The following ARHGAP32 variants were observed in gnomAD, a reference collection of about 807,000 sequenced individuals.
The protein encoded by ARHGAP32 is rho GTPase-activating protein 32.
In ARHGAP32, 51 loss-of-function variants were observed where a neutral mutation model predicts 186.5. The observed-to-expected ratio is 0.27, with a 90% CI of 0.22 to 0.35. The LOEUF is 0.35. Among genes scored for constraint, ARHGAP32 ranks in the 10% least tolerant of loss-of-function variants. The pLI, the probability that ARHGAP32 is intolerant of heterozygous loss-of-function variation, is 1.00. For missense variants in ARHGAP32, 2,186 were observed against 2,623.5 expected (o/e 0.83, Z 3.64); for synonymous variants, 950 against 964.3 (o/e 0.99, Z 0.27).
At chr11:129,187,018 T>C (rs780175230) in intron 1 of ARHGAP32, among the ~76,000 whole-genome samples, 3 of 152,180 alleles carry the variant, frequency 2.0e-5, no homozygotes, top group Non-Finnish European at 2.9e-5. Flanking sequence ...GTTGGACATA[T>C]ACCCAAATGA....
rs778695640 is a variant in ARHGAP32, at chr11:129,151,912, A to G, written c.225+12407T>C. 2.0e-5 allele frequency among the ~76,000 whole-genome samples: 3 copies of G among 152,182 alleles called. 1 individual carries two copies. The highest frequency in any genetic ancestry group is 4.4e-5 in the Non-Finnish European group (3 of 68,010). On this transcript the variant is annotated intron_variant, in intron 2 of 22. Transcript: ENST00000682385. ...GTGGAAACAACAACAACAAAACCAC[A>G]CAAAAGATAAATGAAGCCAAAAGCT... is the stretch of plus-strand genomic sequence containing the variant.
In ARHGAP32 at chr11:128,973,010, G is replaced by C. The variant is rs1945435308; in HGVS notation, c.3496C>G (p.Pro1166Ala). The C allele has an allele frequency of 3.7e-6, 6 of 1,614,052 alleles. No homozygotes were observed. The highest frequency in any genetic ancestry group is 5.1e-6 in the Non-Finnish European group (6 of 1,179,994). ...HHQVDLTGNQ[P>A]HQAYLSGDPE... ...TCCCCAGATAAATATGCTTGATGTG[G>C]CTGATTCCCTGTTAAGTCTACTTGG... is the stretch of plus-strand genomic sequence containing the variant. The change falls in exon 22 of 23, where the codon CCA (proline) becomes GCA (alanine). Residue 1166 changes from proline to alanine, a missense_variant. This residue lies in a region of ARHGAP32 where 1,502 missense variants were observed against 1,570.0 expected (regional missense o/e 0.96). Transcript: ENST00000682385.
At chr11:129,008,666 A>T (rs1399500738) in intron 11 of ARHGAP32, among the ~76,000 whole-genome samples, 1 of 152,198 alleles carries the variant, frequency 6.6e-6, no homozygotes, top group African/African-American at 2.4e-5. Flanking sequence ...ATGAAAAAAA[A>T]TTATTATTTT....
intron 1 of ARHGAP32, among the ~76,000 whole-genome samples, chr11:129,199,889 C>T (rs901710591): frequency 2.0e-5 from 3 of 152,180 alleles, no homozygotes; most frequent in African/African-American, 7.2e-5. Flanking sequence ...AGGTTGTACC[C>T]TGCAAAGCTA....
intron 10 of ARHGAP32, among the ~76,000 whole-genome samples, chr11:129,043,401 T>TC (rs1491511536): frequency 7.9e-6 from 1 of 125,894 alleles, no homozygotes; most frequent in East Asian, 2.2e-4. Context: ...TTTTTTTTTT[T>TC]GCGCAACGGA....
intron 10 of ARHGAP32, among the ~76,000 whole-genome samples, chr11:129,046,804 G>C (rs574106291): frequency 2.1e-4 from 32 of 152,140 alleles, no homozygotes; most frequent in African/African-American, 7.5e-4. Flanking sequence ...TCAGCATAAC[G>C]ATCATGTGCT....
chr11:129,077,847 C>T lies in ARHGAP32; in HGVS notation c.532-10979G>A, dbSNP rs144281296. Among the ~76,000 whole-genome samples the T allele has an allele frequency of 3.9e-5, 6 of 152,296 alleles. No homozygotes were observed. The East Asian group carries it at 9.6e-4, about 24-fold the overall frequency. On this transcript the variant is annotated intron_variant, in intron 6 of 22. Transcript: ENST00000682385. ...CCACAGCTGATGCTCTTCAAAGCGCCACCGCCTGGCTGGAAGCAAACCAAC... is the reference window on the plus strand; with the variant it reads ...CCACAGCTGATGCTCTTCAAAGCGCTACCGCCTGGCTGGAAGCAAACCAAC...
intron 1 of ARHGAP32, among the ~76,000 whole-genome samples, chr11:129,214,484 T>G (rs369759844): frequency 1.3e-4 from 20 of 152,288 alleles, no homozygotes; most frequent in Non-Finnish European, 2.2e-4. Flanking sequence ...GAAAATAAAT[T>G]TATTGATTCA....
intron 1 of ARHGAP32, among the ~76,000 whole-genome samples, chr11:129,269,088 C>T (rs957507991): frequency 8.6e-5 from 13 of 151,784 alleles, no homozygotes; most frequent in African/African-American, 1.7e-4. Context: ...CTGGGCAACA[C>T]GGTGAAACCC....
intron 1 of ARHGAP32, among the ~76,000 whole-genome samples, chr11:129,225,342 G>A (rs1054403279): frequency 3.3e-5 from 5 of 152,064 alleles, no homozygotes; most frequent in Non-Finnish European, 7.4e-5. Flanking sequence ...AAGAAGTCCG[G>A]ACAAGACTGA....
intron 6 of ARHGAP32, among the ~76,000 whole-genome samples, chr11:129,085,793 A>G (rs962182800): frequency 1.3e-5 from 2 of 151,996 alleles, no homozygotes; most frequent in African/African-American, 4.8e-5. Context: ...GGAGCTTGAC[A>G]CCATCCTGGC....
chr11:128,973,708 A>G (rs1489338867), intron 21 of ARHGAP32: 1 of 543,352 alleles, frequency 1.8e-6, no homozygotes, highest in Non-Finnish European at 3.2e-6. Context: ...CTGGCTCAGA[A>G]AAGATTGCTT....
intron 11 of ARHGAP32, among the ~76,000 whole-genome samples, chr11:129,021,240 ATT>A (rs1329341480): frequency 6.6e-6 from 1 of 152,056 alleles, no homozygotes; most frequent in Non-Finnish European, 1.5e-5. Context: ...TCTGTAGTAG[ATT>A]TTAGAAAAGA....
At chr11:129,223,555 A>G (rs1944740207) in intron 1 of ARHGAP32, among the ~76,000 whole-genome samples, 1 of 152,202 alleles carries the variant, frequency 6.6e-6, no homozygotes, top group African/African-American at 2.4e-5. Context: ...ATCTTGGCAT[A>G]GTTTAGGAGA....
At chr11:129,115,696 C>A (rs574826337) in intron 5 of ARHGAP32, among the ~76,000 whole-genome samples, 9 of 152,222 alleles carry the variant, frequency 5.9e-5, no homozygotes, top group African/African-American at 1.9e-4. Context: ...GCAAAGAGCA[C>A]TGGCACCTGG....
At chr11:129,051,227 CATA>C (rs1940028547) in intron 10 of ARHGAP32, among the ~76,000 whole-genome samples, 1 of 152,172 alleles carries the variant, frequency 6.6e-6, no homozygotes, top group African/African-American at 2.4e-5. Flanking sequence ...CACTGTCTTC[CATA>C]ATGGTTGAAC....
At chr11:129,096,721 T>C (rs1038489056) in intron 5 of ARHGAP32, among the ~76,000 whole-genome samples, 2 of 152,222 alleles carry the variant, frequency 1.3e-5, no homozygotes, top group Non-Finnish European at 2.9e-5. Context: ...CCATTACACC[T>C]AGCTCCACTG....
chr11:129,030,515 T>A (rs1939064650), intron 11 of ARHGAP32: 1 of 152,228 alleles, frequency 6.6e-6, no homozygotes, highest in East Asian at 1.9e-4. Context: ...CAGTTACAGA[T>A]CTATTTCCCT....
chr11:129,029,151 T>G (rs1383991837), intron 11 of ARHGAP32, among the ~76,000 whole-genome samples: 1 of 152,188 alleles, frequency 6.6e-6, no homozygotes, highest in Non-Finnish European at 1.5e-5. Context: ...TAACCTCAAT[T>G]CAGCCCATCT....
Sources: allele counts gnomAD v4.1 joint callset (sites outside exome capture counted in the v4.1 genomes callset), GRCh38; gene constraint gnomAD v4.1.1; regional missense constraint gnomAD v4.1.1; transcripts MANE v1.5; gene names NCBI Gene and HGNC (gene_info 2026-07-23, HGNC 2026-07-21).